CFAP44: variants seen among roughly 807,000 people sequenced by gnomAD.
The protein encoded by CFAP44 is cilia- and flagella-associated protein 44.
In CFAP44, 134 loss-of-function variants were observed where a neutral mutation model predicts 216.2. The observed-to-expected ratio is 0.62, with a 90% CI of 0.54 to 0.72. The LOEUF is 0.72. Ranked by LOEUF, CFAP44 falls within the 30% of genes least tolerant of loss-of-function variation. CFAP44 has a pLI of 0.00. For synonymous variants in CFAP44, 700 were observed against 727.6 expected, an observed-to-expected ratio of 0.96 and a Z score of 0.61; for missense variants, 2,035 against 2,182.1, an observed-to-expected ratio of 0.93 and a Z score of 1.34.
At chr3:113,374,065 T>C (rs1037530176) in intron 17 of CFAP44, among the ~76,000 whole-genome samples, 1 of 152,100 alleles carries the variant, frequency 6.6e-6, no homozygotes, top group African/African-American at 2.4e-5. Flanking sequence ...AGATTCCTTA[T>C]TATAGGAAAC....
chr3:113,300,921 C>A (rs1283560745), intron 32 of CFAP44, among the ~76,000 whole-genome samples: 2 of 152,036 alleles, frequency 1.3e-5, no homozygotes, highest in Admixed American at 6.6e-5. Context: ...TTGATGTAAT[C>A]ATTTTGGAAG....
rs779813584 is a variant in CFAP44 at position 113,400,587 on chromosome 3, C to T, written c.1432G>A (p.Val478Ile). Reference protein sequence around the residue: ...FHSGAIEAVAVSPLTYLMATT... With the variant: ...FHSGAIEAVAISPLTYLMATT... ...GCCATGAGATAAGTGAGAGGAGAAA[C>T]AGCCACGGCTTCAATAGCTCCAGAA... Residue 478 changes from valine to isoleucine, a missense_variant, in exon 12 of 35, where the codon GTT becomes ATT. Val to Ile is a conservative substitution (Grantham distance 29). Transcript: ENST00000393845. 2.5e-6 allele frequency: 4 copies of T among 1,610,178 alleles called. No individual in the cohort carries two copies. The Admixed American group carries it at 6.7e-5, about 27-fold the overall frequency.
At chr3:113,309,748 G>A (rs1238199271) in intron 28 of CFAP44, among the ~76,000 whole-genome samples, 1 of 152,138 alleles carries the variant, frequency 6.6e-6, no homozygotes, top group East Asian at 1.9e-4. Context: ...GAAGAAAGTA[G>A]AGCAACTATG....
At chr3:113,380,780 C>T (rs1933485407) in intron 16 of CFAP44, 119 bp downstream of exon 16, 2 of 833,774 alleles carry the variant, frequency 2.4e-6, no homozygotes, top group Non-Finnish European at 3.3e-6. Context: ...TTATAAACTC[C>T]TTAAGTTCAG....
At position 113,333,599 on chromosome 3, in the gene CFAP44, A is replaced by G; in HGVS notation, c.3438-16T>C. The stretch of plus-strand genomic sequence containing the variant: ...ACTCTTGTATCTATTAGAAAAACAG[A>G]CAACCCCCCCACACACAAATATGAC... On this transcript the variant is annotated splice_polypyrimidine_tract_variant and intron_variant, in intron 24 of 34. Coordinates refer to ENST00000393845, the MANE Select transcript of CFAP44 (RefSeq NM_001164496.2). 6.7e-7 allele frequency: 1 copy of G among 1,503,640 alleles called. No individual in the cohort carries two copies. The highest frequency in any genetic ancestry group is 8.8e-7 in the Non-Finnish European group (1 of 1,132,480). The allele number at this position is 1,503,640 out of a possible 1,614,324, so 93.1% of individuals were successfully genotyped here. A position where few individuals can be genotyped will look rare whatever the true frequency, so the allele number is the denominator to read the frequency against.
intron 22 of CFAP44, among the ~76,000 whole-genome samples, chr3:113,349,090 T>C (rs1483227193): frequency 6.6e-6 from 1 of 152,092 alleles, no homozygotes; most frequent in Non-Finnish European, 1.5e-5. Flanking sequence ...GTTGCAAATA[T>C]CTGTTGACCT....
chr3:113,397,782 G>A (rs557320608), intron 13 of CFAP44, among the ~76,000 whole-genome samples: 3 of 152,266 alleles, frequency 2.0e-5, no homozygotes, highest in Admixed American at 2.0e-4. Context: ...GAAAACACTG[G>A]AAGGGAGCCA....
chr3:113,362,519 T>C (rs2107313334), intron 21 of CFAP44, among the ~76,000 whole-genome samples: 1 of 152,278 alleles, frequency 6.6e-6, no homozygotes, highest in African/African-American at 2.4e-5. Context: ...GCCATCCCTA[T>C]CCTTCTCCTG....
intron 24 of CFAP44, among the ~76,000 whole-genome samples, chr3:113,338,745 A>G (rs1221931496): frequency 6.6e-6 from 1 of 152,186 alleles, no homozygotes; most frequent in Non-Finnish European, 1.5e-5. Flanking sequence ...TCCTGTAGGG[A>G]GAAGGGGACC....
At chr3:113,323,629 A>G (rs918066839) in intron 28 of CFAP44, among the ~76,000 whole-genome samples, 2 of 152,242 alleles carry the variant, frequency 1.3e-5, no homozygotes, top group Non-Finnish European at 2.9e-5. Flanking sequence ...AACAGGTGAT[A>G]TTACTACAGA....
chr3:113,323,253 A>G (rs573401613), intron 28 of CFAP44, among the ~76,000 whole-genome samples: 7 of 152,354 alleles, frequency 4.6e-5, no homozygotes, highest in Admixed American at 1.3e-4. Flanking sequence ...AAGAAAATCT[A>G]CATATACACC....
chr3:113,339,775 A>C (rs1176974958), intron 24 of CFAP44, among the ~76,000 whole-genome samples: 1 of 152,202 alleles, frequency 6.6e-6, no homozygotes, highest in Non-Finnish European at 1.5e-5. Context: ...CCAAATTTGC[A>C]GTTCTCAGCC....
chr3:113,419,634 C>A (rs1304412756), intron 5 of CFAP44, among the ~76,000 whole-genome samples: 1 of 152,098 alleles, frequency 6.6e-6, no homozygotes, highest in East Asian at 1.9e-4. Context: ...TCACATTTTC[C>A]TCACCTTCTC....
At chr3:113,372,257 C>T (rs1369571873) in intron 18 of CFAP44, among the ~76,000 whole-genome samples, 1 of 152,178 alleles carries the variant, frequency 6.6e-6, no homozygotes, top group Non-Finnish European at 1.5e-5. Flanking sequence ...ATAAATCATG[C>T]TACTATAAGG....
chr3:113,407,012 C>T lies in CFAP44; in HGVS notation c.920G>A (p.Gly307Asp), dbSNP rs1934303129. The change falls in exon 8 of 35, where the codon GGT becomes GAT. Residue 307 changes from glycine (G) to aspartate (D), a missense_variant. Gly to Asp is a moderately conservative substitution (Grantham distance 94). Transcript: ENST00000393845. ...KFWEMAFTFTGLKLQGSLGRF... is the reference protein window; with the variant it reads ...KFWEMAFTFTDLKLQGSLGRF... ...ACCTAGTGATCCCTGCAGCTTGAGA[C>T]CGGTGAACGTAAAAGCCATTTCCCA... 2 of 1,614,098 alleles carry T rather than the reference C, an allele frequency of 1.2e-6. No individual in the cohort carries two copies. The highest frequency in any genetic ancestry group is 8.5e-7 in the Non-Finnish European group (1 of 1,180,008).
At chr3:113,312,919 G>T (rs1303690298) in intron 28 of CFAP44, among the ~76,000 whole-genome samples, 1 of 152,170 alleles carries the variant, frequency 6.6e-6, no homozygotes, top group Non-Finnish European at 1.5e-5. Context: ...TTGCTGCAGG[G>T]GTGGGGCACT....
Position 113,287,565 on chromosome 3 carries a change from A to T in CFAP44, c.*3992T>A, listed in dbSNP as rs1949780706. ...TATTTTCAGGTCCATCAGAAATGAG[A>T]TCTGAAAAAGGTAGTAAATGTTTCT... On this transcript the variant is annotated 3_prime_UTR_variant, in exon 35 of 35. Coordinates refer to ENST00000393845, the MANE Select transcript of CFAP44 (RefSeq NM_001164496.2). 1 of 152,972 alleles carries T rather than the reference A, an allele frequency of 6.5e-6. No individual in the cohort carries two copies. The highest frequency in any genetic ancestry group is 2.4e-5 in the African/African-American group (1 of 41,456). The allele number at this position is 152,972 out of a possible 1,614,324, so 9.5% of individuals were successfully genotyped here.
chr3:113,424,911 G>A (rs755804572), intron 4 of CFAP44, among the ~76,000 whole-genome samples: 4 of 152,256 alleles, frequency 2.6e-5, no homozygotes, highest in Non-Finnish European at 4.4e-5. Context: ...AAACCAACTC[G>A]GAGTTTCTTC....
intron 6 of CFAP44, among the ~76,000 whole-genome samples, chr3:113,412,458 CATAGGT>C (rs1365800056): frequency 1.3e-5 from 2 of 151,830 alleles, no homozygotes; most frequent in African/African-American, 4.8e-5. Flanking sequence ...AAGTTTGTTA[CATAGGT>C]ATATGTGTGC....
Sources: allele counts gnomAD v4.1 joint callset (sites outside exome capture counted in the v4.1 genomes callset), GRCh38; gene constraint gnomAD v4.1.1; transcripts MANE v1.5; gene names NCBI Gene and HGNC (gene_info 2026-07-23, HGNC 2026-07-21).